The following ARHGEF4 variants were observed in gnomAD, a reference collection of about 807,000 sequenced individuals.
ARHGEF4 encodes APC-stimulated guanine nucleotide exchange factor 1.
In ARHGEF4, 119 loss-of-function variants were observed where a neutral mutation model predicts 162.0. The ratio of observed to expected loss-of-function variants is 0.73; its 90% CI spans 0.63 to 0.86. ARHGEF4 has a LOEUF of 0.86. Among genes scored for constraint, ARHGEF4 ranks in the 40% least tolerant of loss-of-function variants. The probability of loss-of-function intolerance (pLI) is 0.00; values close to 1 mark genes in which losing one functional copy is unlikely to be tolerated. For synonymous variants in ARHGEF4, 1,014 were observed against 979.9 expected, an observed-to-expected ratio of 1.03 and a Z score of -0.65; for missense variants, 2,488 against 2,456.0, an observed-to-expected ratio of 1.01 and a Z score of -0.28.
chr2:131,018,663 A>G (rs895254489), intron 4 of ARHGEF4, among the ~76,000 whole-genome samples: 1 of 152,220 alleles, frequency 6.6e-6, no homozygotes, highest in Non-Finnish European at 1.5e-5. Flanking sequence ...TATCCAAGAA[A>G]TTATTTACAG....
At chr2:130,912,576 G>A (rs1347916685) in intron 1 of ARHGEF4, among the ~76,000 whole-genome samples, 3 of 152,140 alleles carry the variant, frequency 2.0e-5, no homozygotes, top group Non-Finnish European at 4.4e-5. Context: ...ACAAGTCCTG[G>A]GAAACCATGC....
In ARHGEF4 at chr2:131,044,391, C is replaced by T. The variant is rs1422270521; in HGVS notation, c.5250C>T (p.Asp1750=). The part of the protein sequence containing the change: ...VVDLEDGKDR[D]LHVSIKNAFR... ...ACCTGGAGGACGGGAAGGACAGAGACCTCCATGTGAGCATCAAGAACGCCT... is the reference window on the plus strand; with the variant it reads ...ACCTGGAGGACGGGAAGGACAGAGATCTCCATGTGAGCATCAAGAACGCCT... Residue 1750 remains aspartate, a synonymous_variant, in exon 12 of 14, where the codon GAC becomes GAT. Transcript: ENST00000409359. 3 of 1,588,672 alleles carry T rather than the reference C, an allele frequency of 1.9e-6. No homozygotes were observed. Among genetic ancestry groups the T allele is most frequent in the South Asian group, 1.1e-5 (1 of 87,176 alleles).
At chr2:130,923,855 G>C (rs1574238285) in intron 2 of ARHGEF4, among the ~76,000 whole-genome samples, 2 of 151,236 alleles carry the variant, frequency 1.3e-5, no homozygotes, top group Admixed American at 1.3e-4. Context: ...TGATGCTTTA[G>C]CTGCAGTCTT....
At chr2:130,963,858 G>C (rs951797684) in intron 4 of ARHGEF4, 4 of 146,986 alleles carry the variant, frequency 2.7e-5, no homozygotes, top group East Asian at 2.0e-4. Flanking sequence ...GAGCCCGAGC[G>C]GGGGGTCGGC....
intron 4 of ARHGEF4, among the ~76,000 whole-genome samples, chr2:130,947,760 A>G (rs1005510998): frequency 1.3e-5 from 2 of 152,180 alleles, no homozygotes; most frequent in African/African-American, 4.8e-5. Context: ...CCTCACACCC[A>G]ACCCAGCAGG....
At chr2:130,878,595 A>G (rs1213965931) in intron 1 of ARHGEF4, among the ~76,000 whole-genome samples, 1 of 152,208 alleles carries the variant, frequency 6.6e-6, no homozygotes, top group Non-Finnish European at 1.5e-5. Flanking sequence ...TGCTGCAAAC[A>G]CGACCCTGAG....
Position 131,040,321 on chromosome 2 carries a change from ATCT to A in ARHGEF4, c.4546_4548del (p.Phe1516del), listed in dbSNP as rs1690702812. On this transcript the variant is annotated inframe_deletion, in exon 8 of 14. Transcript: ENST00000409359. Reference sequence around the variant, plus strand: ...GTTCAGCGAGGAGCAGCTGCGTACCATCTTCGGGAACATCGAGGACATCTACCG... The same window carrying A: ...GTTCAGCGAGGAGCAGCTGCGTACCATCGGGAACATCGAGGACATCTACCG... 1 of 1,612,772 alleles carries A rather than the reference ATCT, an allele frequency of 6.2e-7. No individual in the cohort carries two copies. The highest frequency in any genetic ancestry group is 1.7e-5 in the Admixed American group (1 of 59,970).
intron 1 of ARHGEF4, among the ~76,000 whole-genome samples, chr2:130,878,250 C>T (rs1000526851): frequency 1.3e-5 from 2 of 152,112 alleles, no homozygotes; most frequent in African/African-American, 4.8e-5. Context: ...ACAGGCTGTA[C>T]AAAAATAGAT....
chr2:131,007,503 TG>T (rs1432907413), intron 4 of ARHGEF4, among the ~76,000 whole-genome samples: 7 of 152,200 alleles, frequency 4.6e-5, no homozygotes, highest in African/African-American at 1.7e-4. Context: ...AATATAAACG[TG>T]TTTGTTGCTT....
intron 4 of ARHGEF4, among the ~76,000 whole-genome samples, chr2:131,000,937 C>T (rs1458298681): frequency 2.6e-5 from 4 of 152,108 alleles, no homozygotes; most frequent in Non-Finnish European, 5.9e-5. Flanking sequence ...ACTTAGTAGA[C>T]TAAGTCACAG....
At chr2:130,837,117 C>T (rs1271350886) in intron 1 of ARHGEF4, 125 bp downstream of exon 1, 17 of 878,626 alleles carry the variant, frequency 1.9e-5, no homozygotes, top group Admixed American at 4.4e-5. Flanking sequence ...GTGGGGACAC[C>T]CTCGTGGCTC....
chr2:130,909,427 A>G (rs1326389624), intron 1 of ARHGEF4, among the ~76,000 whole-genome samples: 3 of 152,228 alleles, frequency 2.0e-5, no homozygotes, highest in African/African-American at 7.2e-5. Context: ...AAAAGAAGAC[A>G]TACCGCATGG....
intron 3 of ARHGEF4, among the ~76,000 whole-genome samples, chr2:130,934,138 T>TA (rs1416783599): frequency 6.6e-6 from 1 of 152,238 alleles, no homozygotes; most frequent in Non-Finnish European, 1.5e-5. Flanking sequence ...GGTGCTGGAT[T>TA]TTTTAAGTGC....
At chr2:131,013,787 T>G (rs560834966) in intron 4 of ARHGEF4, among the ~76,000 whole-genome samples, 33 of 152,070 alleles carry the variant, frequency 2.2e-4, no homozygotes, top group Admixed American at 8.5e-4. Context: ...TTTTAGTAGA[T>G]ACGGGATTTC....
rs368528932 is a variant in ARHGEF4, at chr2:131,028,103, G to A, written c.4125+19G>A. The A allele has an allele frequency of 4.9e-5, 79 of 1,612,494 alleles. No individual in the cohort carries two copies. The highest frequency in any genetic ancestry group is 5.9e-5 in the Non-Finnish European group (70 of 1,179,564). On this transcript the variant is annotated intron_variant, in intron 5 of 13. Transcript: ENST00000409359. ...CAATGAGGTAGGGTCAGGGCTGCACGGGCAGAGGGAGGGACAGGCTGGGGC... is the reference window on the plus strand; with the variant it reads ...CAATGAGGTAGGGTCAGGGCTGCACAGGCAGAGGGAGGGACAGGCTGGGGC...
chr2:131,045,428 G>C lies in ARHGEF4; in HGVS notation c.5461G>C (p.Val1821Leu). The C allele has an allele frequency of 1.9e-6, 3 of 1,613,626 alleles. No homozygotes were observed. The highest frequency in any genetic ancestry group is 2.5e-6 in the Non-Finnish European group (3 of 1,180,006). The change falls in exon 13 of 14, where the codon GTC (valine) becomes CTC (leucine). Residue 1821 changes from valine to leucine, a missense_variant. This residue lies in a region of ARHGEF4 where 415 missense variants were observed against 512.4 expected (regional missense o/e 0.81). Coordinates refer to ENST00000409359, the MANE Select transcript of ARHGEF4 (RefSeq NM_001367493.1). Reference sequence around the variant, plus strand: ...CATGCTGAATGCCAGCAAGCAGCAGGTCACAGGGAAGCCCAAAGGTAGGCG... The same window carrying C: ...CATGCTGAATGCCAGCAAGCAGCAGCTCACAGGGAAGCCCAAAGGTAGGCG... ...QAMLNASKQQ[V>L]TGKPKAVGRP... is the part of the protein sequence containing the mutation.
chr2:130,962,967 G>C (rs1289993219), intron 4 of ARHGEF4, among the ~76,000 whole-genome samples: 2 of 152,180 alleles, frequency 1.3e-5, no homozygotes, highest in African/African-American at 4.8e-5. Context: ...GTCACCTTGT[G>C]TGGAGCTTCT....
At chr2:131,028,599 G>A (rs1469070701) in intron 5 of ARHGEF4, among the ~76,000 whole-genome samples, 1 of 152,248 alleles carries the variant, frequency 6.6e-6, no homozygotes, top group East Asian at 1.9e-4. Flanking sequence ...AGAAATCCAT[G>A]AGAATCCTCA....
At chr2:130,998,677 T>C (rs996066273) in intron 4 of ARHGEF4, among the ~76,000 whole-genome samples, 1 of 152,252 alleles carries the variant, frequency 6.6e-6, no homozygotes, top group Admixed American at 6.5e-5. Flanking sequence ...GAATAATTTG[T>C]CGTTGTGTAT....
Sources: gnomAD v4.1 joint callset for allele counts (sites outside exome capture counted in the v4.1 genomes callset) on GRCh38, gnomAD v4.1.1 for gene constraint, gnomAD v4.1.1 regional missense constraint, MANE v1.5 for transcripts, NCBI Gene and HGNC (gene_info 2026-07-23, HGNC 2026-07-21) for gene names.